The following TTC28 variants were observed in gnomAD, a reference collection of about 807,000 sequenced individuals.
The protein encoded by TTC28 is tetratricopeptide repeat domain 28.
In TTC28, 61 loss-of-function variants were observed where a neutral mutation model predicts 198.0. That is an observed-to-expected ratio of 0.31 (90% CI 0.25 to 0.38). TTC28 has a LOEUF of 0.38. Among genes scored for constraint, TTC28 ranks in the 10% least tolerant of loss-of-function variants. The pLI is 1.00. For missense variants in TTC28, 2,678 were observed against 3,164.0 expected (o/e 0.85, Z 3.69); for synonymous variants, 1,171 against 1,297.8 (o/e 0.90, Z 2.10).
intron 2 of TTC28, among the ~76,000 whole-genome samples, chr22:28,336,860 G>C (rs549808679): frequency 8.6e-5 from 13 of 152,030 alleles, no homozygotes; most frequent in Non-Finnish European, 1.8e-4. Context: ...TCTGATTTTA[G>C]TTATTTCTTG....
intron 6 of TTC28, among the ~76,000 whole-genome samples, chr22:28,128,973 T>C (rs1473703704): frequency 1.3e-5 from 2 of 152,226 alleles, no homozygotes; most frequent in Admixed American, 1.3e-4. Context: ...AATCATCATG[T>C]TCAGAGAACT....
chr22:28,017,341 C>T (rs967195232), intron 13 of TTC28, among the ~76,000 whole-genome samples: 15 of 152,264 alleles, frequency 9.9e-5, no homozygotes, highest in Non-Finnish European at 1.9e-4. Flanking sequence ...ATGTGCCAGG[C>T]ACCATGGGTG....
At chr22:28,180,085 T>C (rs1237245230) in intron 5 of TTC28, among the ~76,000 whole-genome samples, 3 of 152,196 alleles carry the variant, frequency 2.0e-5, no homozygotes, top group South Asian at 2.1e-4. Flanking sequence ...AGGGTTTTCA[T>C]GGGGAATCAA....
chr22:28,168,548 C>A (rs539748184), intron 5 of TTC28, among the ~76,000 whole-genome samples: 46 of 152,102 alleles, frequency 3.0e-4, no homozygotes, highest in African/African-American at 8.2e-4. Flanking sequence ...CTTTGACAAA[C>A]CTGACAAAAA....
intron 5 of TTC28, among the ~76,000 whole-genome samples, chr22:28,275,908 T>C (rs1188693244): frequency 5.9e-5 from 9 of 152,318 alleles, no homozygotes; most frequent in Non-Finnish European, 1.3e-4. Flanking sequence ...GACCTCCCAG[T>C]TGAAACAGCA....
chr22:28,433,827 G>A (rs1279261968), intron 2 of TTC28, among the ~76,000 whole-genome samples: 1 of 152,166 alleles, frequency 6.6e-6, no homozygotes, highest in Non-Finnish European at 1.5e-5. Flanking sequence ...AGGCAAGTCA[G>A]ATACACCAAA....
intron 5 of TTC28, among the ~76,000 whole-genome samples, chr22:28,221,108 T>C (rs946101216): frequency 6.6e-6 from 1 of 152,168 alleles, no homozygotes; most frequent in Admixed American, 6.5e-5. Context: ...AAGTTGTTAG[T>C]TGGAGCAGGA....
intron 12 of TTC28, among the ~76,000 whole-genome samples, chr22:28,033,212 T>G (rs1483373094): frequency 7.2e-5 from 11 of 152,180 alleles, no homozygotes; most frequent in Non-Finnish European, 1.6e-4. Context: ...GGTTGTTTCC[T>G]ATTTCCTGAC....
chr22:28,265,011 AC>A (rs1931590938), intron 5 of TTC28, among the ~76,000 whole-genome samples: 1 of 152,186 alleles, frequency 6.6e-6, no homozygotes, highest in African/African-American at 2.4e-5. Context: ...TCTACTTTAT[AC>A]AAGAATTCCT....
At chr22:28,029,539 G>A (rs963051137) in intron 13 of TTC28, among the ~76,000 whole-genome samples, 5 of 152,188 alleles carry the variant, frequency 3.3e-5, no homozygotes, top group Admixed American at 6.5e-5. Flanking sequence ...CTAGGTTGTT[G>A]CCAGGCAACC....
chr22:28,057,127 T>C (rs1026006978), intron 12 of TTC28, among the ~76,000 whole-genome samples: 2 of 152,172 alleles, frequency 1.3e-5, no homozygotes, highest in African/African-American at 4.8e-5. Context: ...TTTGTGAACA[T>C]ATATTTTCAT....
intron 2 of TTC28, among the ~76,000 whole-genome samples, chr22:28,399,475 C>CAT (rs1216013474): frequency 6.6e-6 from 1 of 151,964 alleles, no homozygotes; most frequent in Non-Finnish European, 1.5e-5. Context: ...CATGCACCAC[C>CAT]ATACCTGGCT....
At chr22:28,235,322 G>A (rs552850072) in intron 5 of TTC28, among the ~76,000 whole-genome samples, 21 of 152,250 alleles carry the variant, frequency 1.4e-4, no homozygotes, top group Admixed American at 1.2e-3. Context: ...ACTCCATCTA[G>A]GAAAGGATAA....
chr22:28,105,728 G>C lies in TTC28; in HGVS notation c.2858C>G (p.Ala953Gly). 6.4e-7 allele frequency: 1 copy of C among 1,551,742 alleles called. No homozygotes were observed. The highest frequency in any genetic ancestry group is 1.2e-5 in the South Asian group (1 of 84,056). The change falls in exon 8 of 23, where the codon GCC (alanine) becomes GGC (glycine). Residue 953 changes from alanine (A) to glycine (G), a missense_variant. Ala to Gly is a moderately conservative substitution (Grantham distance 60). This residue lies in a region of TTC28 where 6 missense variants were observed against 25.8 expected (regional missense o/e 0.23). Transcript: ENST00000397906. ...RLVVAHELGEAFNKAQAYGEL... is the reference protein window; with the variant it reads ...RLVVAHELGEGFNKAQAYGEL... ...TCCATAGGCCTGGGCTTTATTGAAG[G>C]CCTCTCCAAGTTCATGAGCAACCAC...
At chr22:28,270,341 A>C (rs1244978411) in intron 5 of TTC28, among the ~76,000 whole-genome samples, 1 of 152,208 alleles carries the variant, frequency 6.6e-6, no homozygotes, top group East Asian at 1.9e-4. Flanking sequence ...CATGCTAAAA[A>C]CAAAATAAAG....
rs1231122076 is a variant in TTC28, at chr22:28,096,126, T to C, written c.3766+64A>G. ...TATGATAATGCACCTATTCCACCTC[T>C]ATTCATTAGACTTTCACAGGTCTAG... On this transcript the variant is annotated intron_variant, in intron 11 of 22. Coordinates refer to ENST00000397906, the MANE Select transcript of TTC28 (RefSeq NM_001145418.2). The C allele has an allele frequency of 4.8e-6, 7 of 1,462,518 alleles. No individual in the cohort carries two copies. The African/African-American group carries it at 8.5e-5, about 18-fold the overall frequency. The allele number at this position is 1,462,518 out of a possible 1,614,324, so 90.6% of individuals were successfully genotyped here.
chr22:28,635,138 G>A (rs112403136), intron 1 of TTC28, among the ~76,000 whole-genome samples: 6,547 of 151,992 alleles, frequency 0.043, 164 homozygotes, highest in African/African-American at 0.059. Flanking sequence ...TGGCTAACAC[G>A]GTGAAACCCC....
intron 12 of TTC28, among the ~76,000 whole-genome samples, chr22:28,032,115 AAAAT>A (rs1021679124): frequency 1.6e-3 from 230 of 147,270 alleles, no homozygotes; most frequent in Middle Eastern, 7.0e-3. Flanking sequence ...TCTCTTTATA[AAAAT>A]AAATAAATAA....
intron 2 of TTC28, among the ~76,000 whole-genome samples, chr22:28,531,885 G>T (rs529536291): frequency 7.2e-5 from 11 of 152,338 alleles, no homozygotes; most frequent in Admixed American, 4.6e-4. Flanking sequence ...CAACATGCCA[G>T]AATCTCTGGG....
Sources: gnomAD v4.1 joint callset for allele counts (sites outside exome capture counted in the v4.1 genomes callset) on GRCh38, gnomAD v4.1.1 for gene constraint, gnomAD v4.1.1 regional missense constraint, MANE v1.5 for transcripts, NCBI Gene and HGNC (gene_info 2026-07-23, HGNC 2026-07-21) for gene names.